Variants in COL26A1 observed in about 807,000 individuals in gnomAD.
The protein encoded by COL26A1 is collagen type XXVI alpha 1 chain.
COL26A1 carries 41 observed loss-of-function variants against 59.3 expected under a neutral mutation model. The ratio of observed to expected loss-of-function variants is 0.69; its 90% confidence interval spans 0.54 to 0.90. COL26A1 has a LOEUF of 0.90. COL26A1 is among the 40% of genes least tolerant of loss of function. The pLI, the probability that COL26A1 is intolerant of heterozygous loss-of-function variation, is 0.00. For missense variants in COL26A1, 612 were observed against 602.3 expected (o/e 1.02, Z -0.17); for synonymous variants, 266 against 256.0 (o/e 1.04, Z -0.37).
In COL26A1 at chr7:101,520,128, A is replaced by T. The variant is rs550715443; in HGVS notation, c.386-12954A>T. ...AGTCCCAGCTGTTTATCCAGGGAGG[A>T]TGTGCAGGAAGGGACAAGCTCTCTG... On this transcript the variant is annotated intron_variant, in intron 3 of 12. Transcript: ENST00000313669. Among the ~76,000 whole-genome samples the T allele has an allele frequency of 5.3e-5, 8 of 152,162 alleles. No homozygotes were observed. The South Asian group carries it at 1.5e-3, about 28-fold the overall frequency.
At chr7:101,366,474 ATTTTTTTTTTTTTTTTTTTTTTTTTTTT>A (rs869149636) in intron 1 of COL26A1, among the ~76,000 whole-genome samples, 2 of 76,276 alleles carry the variant, frequency 2.6e-5, no homozygotes, top group South Asian at 5.3e-4. Flanking sequence ...TTAACGTCTG[ATTTTTTTTTTTTTTTTTTTTTTTTTTTT>A]TTTTTTTTTT....
At chr7:101,377,711 G>A (rs968882486) in intron 1 of COL26A1, among the ~76,000 whole-genome samples, 1 of 152,152 alleles carries the variant, frequency 6.6e-6, no homozygotes, top group Non-Finnish European at 1.5e-5. Flanking sequence ...ACAGGTAGGA[G>A]CTACTATGAC....
intron 2 of COL26A1, among the ~76,000 whole-genome samples, chr7:101,428,896 C>G (rs2130309000): frequency 6.6e-6 from 1 of 151,390 alleles, no homozygotes; most frequent in Non-Finnish European, 1.5e-5. Flanking sequence ...TTGATGCAAT[C>G]TAATTTATCA....
intron 8 of COL26A1, among the ~76,000 whole-genome samples, chr7:101,548,567 A>G (rs1795788456): frequency 6.7e-6 from 1 of 149,858 alleles, no homozygotes; most frequent in Admixed American, 6.6e-5. Context: ...TAGGAAAACC[A>G]GTAGGAAAGG....
At chr7:101,467,955 C>A (rs558202921) in intron 3 of COL26A1, among the ~76,000 whole-genome samples, 2 of 152,090 alleles carry the variant, frequency 1.3e-5, no homozygotes, top group African/African-American at 4.8e-5. Flanking sequence ...GCACGGCTGC[C>A]GGCATTTACA....
intron 3 of COL26A1, among the ~76,000 whole-genome samples, chr7:101,490,064 G>GTAGC (rs1474129682): frequency 6.6e-6 from 1 of 150,746 alleles, no homozygotes; most frequent in African/African-American, 2.4e-5. Flanking sequence ...AGCCTCTCAA[G>GTAGC]TAGCTGGGAC....
intron 3 of COL26A1, among the ~76,000 whole-genome samples, chr7:101,459,418 G>A (rs1027762782): frequency 2.6e-5 from 4 of 151,724 alleles, no homozygotes; most frequent in Non-Finnish European, 5.9e-5. Flanking sequence ...TCCTGCCTCA[G>A]CCTCCTGAGT....
At chr7:101,473,026 C>T (rs926164517) in intron 3 of COL26A1, among the ~76,000 whole-genome samples, 2 of 151,950 alleles carry the variant, frequency 1.3e-5, no homozygotes, top group African/African-American at 4.8e-5. Context: ...TTCTCAATTG[C>T]CTATATGTTT....
intron 9 of COL26A1, among the ~76,000 whole-genome samples, chr7:101,549,637 C>T (rs2130677162): frequency 6.6e-6 from 1 of 152,334 alleles, no homozygotes; most frequent in South Asian, 2.1e-4. Context: ...CCGCCTCAGC[C>T]TCCCAAAGTG....
chr7:101,555,929 A>T (rs917198255), intron 12 of COL26A1, 58 bp downstream of exon 12: 14 of 1,422,192 alleles, frequency 9.8e-6, no homozygotes, highest in Non-Finnish European at 1.3e-5. Flanking sequence ...TCCTCTCCCA[A>T]TGCTGCCCTC....
intron 1 of COL26A1, among the ~76,000 whole-genome samples, chr7:101,395,824 C>T (rs138060881): frequency 6.3e-4 from 96 of 152,298 alleles, no homozygotes; most frequent in African/African-American, 2.0e-3. Context: ...GCCTGCGACC[C>T]GCTGAGGGCA....
At chr7:101,503,247 C>G (rs538309907) in intron 3 of COL26A1, among the ~76,000 whole-genome samples, 76 of 152,274 alleles carry the variant, frequency 5.0e-4, no homozygotes, top group Non-Finnish European at 9.3e-4. Context: ...AGGACGGTCA[C>G]CACCTCCTGG....
intron 4 of COL26A1, among the ~76,000 whole-genome samples, chr7:101,538,410 G>A (rs1257377233): frequency 6.6e-6 from 1 of 152,216 alleles, no homozygotes. Context: ...ACCACTAGGG[G>A]CCCCGGCCTC....
chr7:101,503,229 G>C (rs557837673), intron 3 of COL26A1, among the ~76,000 whole-genome samples: 1 of 152,332 alleles, frequency 6.6e-6, no homozygotes, highest in East Asian at 1.9e-4. Flanking sequence ...CATGGTGCTG[G>C]TGACAACAGG....
At chr7:101,391,563 T>G (rs1263702060) in intron 1 of COL26A1, among the ~76,000 whole-genome samples, 1 of 152,154 alleles carries the variant, frequency 6.6e-6, no homozygotes, top group Non-Finnish European at 1.5e-5. Flanking sequence ...CCTATTTTTA[T>G]TATTATTTAT....
At chr7:101,487,509 CT>C (rs1478357678) in intron 3 of COL26A1, among the ~76,000 whole-genome samples, 1 of 152,130 alleles carries the variant, frequency 6.6e-6, no homozygotes, top group East Asian at 1.9e-4. Context: ...GGTGCCCTCC[CT>C]GCCATCTTGG....
Position 101,362,911 on chromosome 7 carries a change from A to AT in COL26A1, c.-122_-121insT. ...ATTTCCAGCTCGCACCCGGGCTCCGACCGCTCGCCCCGCTCCTCTCGCTGT... is the reference window on the plus strand; with the variant it reads ...ATTTCCAGCTCGCACCCGGGCTCCGATCCGCTCGCCCCGCTCCTCTCGCTGT... On this transcript the variant is annotated 5_prime_UTR_variant, in exon 1 of 13. Coordinates refer to ENST00000313669, the MANE Select transcript of COL26A1 (RefSeq NM_001278563.3). 9.5e-7 allele frequency: 1 copy of AT among 1,054,054 alleles called. No homozygotes were observed. The highest frequency in any genetic ancestry group is 1.3e-6 in the Non-Finnish European group (1 of 769,936). The allele number at this position is 1,054,054 out of a possible 1,614,324, so 65.3% of individuals were successfully genotyped here.
intron 9 of COL26A1, among the ~76,000 whole-genome samples, chr7:101,549,629 G>A (rs543982228): frequency 7.9e-5 from 12 of 152,136 alleles, no homozygotes; most frequent in Non-Finnish European, 1.6e-4. Context: ...TAATCCATCC[G>A]CCTCAGCCTC....
intron 3 of COL26A1, among the ~76,000 whole-genome samples, chr7:101,465,705 AAAAAAAAG>A (rs1258267242): frequency 1.3e-5 from 2 of 151,690 alleles, no homozygotes; most frequent in East Asian, 1.9e-4. Flanking sequence ...AAAAAAAAAA[AAAAAAAAG>A]AAAAGAAAAA....
Sources: gnomAD v4.1 joint callset for allele counts (sites outside exome capture counted in the v4.1 genomes callset) on GRCh38, gnomAD v4.1.1 for gene constraint, MANE v1.5 for transcripts, NCBI Gene and HGNC (gene_info 2026-07-23, HGNC 2026-07-21) for gene names.